Variants in PCDHGB2 observed in about 807,000 individuals in gnomAD.
PCDHGB2 encodes protocadherin gamma subfamily B, 2.
A neutral mutation model predicts 59.3 loss-of-function variants in PCDHGB2; 55 were observed. That is an observed-to-expected ratio of 0.93 (90% CI 0.75 to 1.16). The LOEUF (loss-of-function observed/expected upper bound fraction) is 1.16. PCDHGB2 is among the 50% of genes most tolerant of loss of function. The probability of loss-of-function intolerance (pLI) is 0.00; values close to 1 mark genes in which losing one functional copy is unlikely to be tolerated. For synonymous variants in PCDHGB2, 516 were observed against 512.0 expected, an observed-to-expected ratio of 1.01 and a Z score of -0.11; for missense variants, 1,228 against 1,198.5, an observed-to-expected ratio of 1.02 and a Z score of -0.36.
chr5:141,463,018 T>C (rs1318740358), intron 1 of PCDHGB2, among the ~76,000 whole-genome samples: 1 of 152,212 alleles, frequency 6.6e-6, no homozygotes, highest in Admixed American at 6.5e-5. Flanking sequence ...AATTCTGACT[T>C]TTTTGATTAA....
At chr5:141,497,212 G>C (rs968445663) in intron 2 of PCDHGB2, among the ~76,000 whole-genome samples, 2 of 151,018 alleles carry the variant, frequency 1.3e-5, no homozygotes, top group East Asian at 3.9e-4. Context: ...AGTGTAATGG[G>C]GGGGGGAAGA....
chr5:141,424,880 C>G (rs2096845847), intron 1 of PCDHGB2, among the ~76,000 whole-genome samples: 1 of 152,162 alleles, frequency 6.6e-6, no homozygotes, highest in Admixed American at 6.5e-5. Context: ...GGAAAGGAGA[C>G]TTATCTAGGG....
chr5:141,374,657 C>T, intron 1 of PCDHGB2: 1 of 1,612,018 alleles, frequency 6.2e-7, no homozygotes, highest in Non-Finnish European at 8.5e-7. Context: ...GCCCAAGTAC[C>T]CGGAGCTGGT....
chr5:141,426,596 C>T (rs1408090148), intron 1 of PCDHGB2: 9 of 377,102 alleles, frequency 2.4e-5, no homozygotes, highest in Middle Eastern at 3.9e-4. Context: ...GTGTCATACC[C>T]TTAGAGATTG....
Position 141,432,949 on chromosome 5 carries a change from C to T in PCDHGB2, c.2422-61858C>T. 1.2e-6 allele frequency: 2 copies of T among 1,614,184 alleles called. No homozygotes were observed. Among genetic ancestry groups the T allele is most frequent in the Non-Finnish European group, 1.7e-6 (2 of 1,180,040 alleles). On this transcript the variant is annotated intron_variant, in intron 1 of 3. Coordinates refer to ENST00000522605, the MANE Select transcript of PCDHGB2 (RefSeq NM_018923.3). This position sits in a 1 kb window ranked among gnomAD's most constrained non-coding sequence, Gnocchi z 6.0. Reference sequence around the variant, plus strand: ...CACGCCTGCTGCAGGCTTCAGGAGGCGGCTTGACAGGAGCGCCGGCGTCGC... The same window carrying T: ...CACGCCTGCTGCAGGCTTCAGGAGGTGGCTTGACAGGAGCGCCGGCGTCGC...
rs71583649 is a variant in PCDHGB2, at chr5:141,491,361, C to A, written c.2422-3446C>A. On this transcript the variant is annotated intron_variant, in intron 1 of 3. Transcript: ENST00000522605. The surrounding 1 kb of genome is among the most constrained non-coding windows in gnomAD (Gnocchi z 6.9). The stretch of plus-strand genomic sequence containing the variant: ...CGACCGTCAGTCTCTTATCCCTAGT[C>A]ACCTTCACCTTTCTGTCAGCGAAGT... 1.0e-3 allele frequency: 1,614 copies of A among 1,614,132 alleles called. 5 individuals carry two copies. The highest frequency in any genetic ancestry group is 5.1e-3 in the Middle Eastern group (31 of 6,062).
chr5:141,414,684 A>G (rs747750994), intron 1 of PCDHGB2: 6 of 1,613,806 alleles, frequency 3.7e-6, no homozygotes, highest in Non-Finnish European at 5.1e-6. Flanking sequence ...TCCAGGGGGT[A>G]CCTCTGTCCT....
At chr5:141,415,416 G>C (rs747598923) in intron 1 of PCDHGB2, 3 of 1,614,220 alleles carry the variant, frequency 1.9e-6, no homozygotes, top group Non-Finnish European at 2.5e-6. Flanking sequence ...TTGTGGGCGT[G>C]GACGGGGTTC....
chr5:141,364,396 G>A (rs1763298819), intron 1 of PCDHGB2: 4 of 1,604,434 alleles, frequency 2.5e-6, no homozygotes, highest in Non-Finnish European at 3.4e-6. Context: ...TCCTGGGGAC[G>A]CTGTGCGAGC....
intron 1 of PCDHGB2, chr5:141,384,201 G>A (rs369190060): frequency 3.7e-6 from 6 of 1,613,802 alleles, no homozygotes; most frequent in Admixed American, 1.7e-5. Flanking sequence ...CCTTGTCCAG[G>A]GAAACTCACA....
At position 141,360,588 on chromosome 5, in the gene PCDHGB2, A is replaced by C. The variant is rs1761664531; in HGVS notation, c.453A>C (p.Thr151=). The C allele has an allele frequency of 1.2e-6, 2 of 1,613,888 alleles. No homozygotes were observed. Among genetic ancestry groups the C allele is most frequent in the Non-Finnish European group, 1.7e-6 (2 of 1,179,906 alleles). The stretch of plus-strand genomic sequence containing the variant: ...GCGAATCCACTAAGCCAGGTACAAC[A>C]TTTCCACTTGACCCAGCCCTGGATT... ...KIGESTKPGT[T]FPLDPALDSD... is the part of the protein sequence containing the mutation. Residue 151 remains threonine (T), a synonymous_variant, in exon 1 of 4, where the codon ACA becomes ACC. Coordinates refer to ENST00000522605, the MANE Select transcript of PCDHGB2 (RefSeq NM_018923.3).
intron 1 of PCDHGB2, chr5:141,387,746 C>T (rs1051013306): frequency 1.5e-6 from 2 of 1,365,936 alleles, no homozygotes; most frequent in Non-Finnish European, 9.8e-7. Flanking sequence ...ACACCGCTTC[C>T]TCCTCGGAAA....
chr5:141,374,884 C>T (rs1770914347), intron 1 of PCDHGB2: 1 of 1,613,714 alleles, frequency 6.2e-7, no homozygotes, highest in African/African-American at 1.3e-5. Context: ...TGACTGCCAC[C>T]GACCAGGATG....
intron 1 of PCDHGB2, chr5:141,384,223 G>A (rs1779858487): frequency 6.2e-7 from 1 of 1,613,742 alleles, no homozygotes; most frequent in African/African-American, 1.3e-5. Context: ...ATTCATGCAG[G>A]TGGCAGACAC....
At chr5:141,473,229 T>G (rs891825934) in intron 1 of PCDHGB2, among the ~76,000 whole-genome samples, 8 of 152,160 alleles carry the variant, frequency 5.3e-5, no homozygotes, top group Admixed American at 1.3e-4. Context: ...GGAGATTGGA[T>G]CCACACAAGT....
At chr5:141,449,022 A>G (rs2154562454) in intron 1 of PCDHGB2, among the ~76,000 whole-genome samples, 1 of 152,312 alleles carries the variant, frequency 6.6e-6, no homozygotes, top group Admixed American at 6.5e-5. Context: ...GTTGCTTAGC[A>G]TTCCTTTGGA....
At chr5:141,409,088 GAGAAAAC>G in intron 1 of PCDHGB2, 1 of 1,614,044 alleles carries the variant, frequency 6.2e-7, no homozygotes, top group Non-Finnish European at 8.5e-7. Context: ...CTCATTGGAT[GAGAAAAC>G]AGGTATGATT....
chr5:141,483,588 A>G (rs2099583207), intron 1 of PCDHGB2, among the ~76,000 whole-genome samples: 1 of 152,112 alleles, frequency 6.6e-6, no homozygotes, highest in African/African-American at 2.4e-5. Flanking sequence ...AACACCTAAT[A>G]GGTCAGGCTG....
At chr5:141,421,564 G>T (rs2096583836) in intron 1 of PCDHGB2, 2 of 1,613,864 alleles carry the variant, frequency 1.2e-6, no homozygotes, top group Admixed American at 3.3e-5. Flanking sequence ...TCTCGTGGAA[G>T]ACACCTTGAA....
Sources: allele counts gnomAD v4.1 joint callset (sites outside exome capture counted in the v4.1 genomes callset), GRCh38; gene constraint gnomAD v4.1.1; non-coding constraint Gnocchi (gnomAD v3.1); transcripts MANE v1.5; gene names NCBI Gene and HGNC (gene_info 2026-07-23, HGNC 2026-07-21).